The following MED19 variants were observed in gnomAD, a reference collection of about 807,000 sequenced individuals.
MED19 encodes mediator of RNA polymerase II transcription subunit 19.
A neutral mutation model predicts 19.9 loss-of-function variants in MED19; 4 were observed. The ratio of observed to expected loss-of-function variants is 0.20; its 90% confidence interval spans 0.10 to 0.46. The LOEUF (loss-of-function observed/expected upper bound fraction) is 0.46, where lower values mean the gene tolerates loss of function less well. Among genes scored for constraint, MED19 ranks in the 20% least tolerant of loss-of-function variants. MED19 has a pLI of 0.99. For synonymous variants in MED19, 139 were observed against 119.6 expected (o/e 1.16, Z -1.06); for missense variants, 303 against 318.7 (o/e 0.95, Z 0.38).
chr11:57,709,199 G>C (rs375987604), intron 1 of MED19, among the ~76,000 whole-genome samples: 1 of 152,126 alleles, frequency 6.6e-6, no homozygotes, highest in African/African-American at 2.4e-5. Flanking sequence ...CTGACCAACA[G>C]GGAGAAACCC....
At chr11:57,711,590 G>A (rs1946609513) in intron 1 of MED19, among the ~76,000 whole-genome samples, 1 of 152,012 alleles carries the variant, frequency 6.6e-6, no homozygotes, top group Non-Finnish European at 1.5e-5. Context: ...CTGACCTTAG[G>A]TGATTCGCCC....
chr11:57,704,247 CA>C, intron 4 of MED19, 54 bp downstream of exon 4: 1 of 1,528,660 alleles, frequency 6.5e-7, no homozygotes, highest in Non-Finnish European at 8.7e-7. Flanking sequence ...GTATTTAGGA[CA>C]GGGGTGAGAT....
exon 1 of MED19, chr11:57,712,198 G>A: frequency 2.0e-6 from 3 of 1,505,920 alleles, no homozygotes; most frequent in Admixed American, 2.3e-5. Context: ...CCGCCCCGGC[G>A]CTGTCTCCGT....
At chr11:57,704,758 T>C in exon 3 of MED19, 1 of 1,612,414 alleles carries the variant, frequency 6.2e-7, no homozygotes, top group Non-Finnish European at 8.5e-7. Context: ...TGTTTGTGCT[T>C]GTGCTTATTC....
At chr11:57,704,149 C>T in intron 4 of MED19, 43 bp from the exon 5 acceptor site, 4 of 1,535,690 alleles carry the variant, frequency 2.6e-6, no homozygotes, top group Non-Finnish European at 3.5e-6. Flanking sequence ...AGGAACTAGC[C>T]TTGGCTTTGA....
intron 1 of MED19, among the ~76,000 whole-genome samples, chr11:57,708,709 T>C (rs1292635450): frequency 6.6e-6 from 1 of 152,182 alleles, no homozygotes; most frequent in Non-Finnish European, 1.5e-5. Flanking sequence ...TGAAAAGCAA[T>C]GACCAGCATT....
chr11:57,711,584 C>T (rs1946608765), intron 1 of MED19, among the ~76,000 whole-genome samples: 1 of 151,944 alleles, frequency 6.6e-6, no homozygotes, highest in African/African-American at 2.4e-5. Context: ...GAACTCCTGA[C>T]CTTAGGTGAT....
chr11:57,708,579 T>C (rs1419001592), intron 1 of MED19, among the ~76,000 whole-genome samples: 3 of 152,206 alleles, frequency 2.0e-5, no homozygotes, highest in African/African-American at 7.2e-5. Context: ...GTTCTTAATA[T>C]TGATGGCTAA....
At chr11:57,711,539 A>T (rs1224369745) in intron 1 of MED19, among the ~76,000 whole-genome samples, 1 of 151,984 alleles carries the variant, frequency 6.6e-6, no homozygotes, top group African/African-American at 2.4e-5. Flanking sequence ...TTTTTTGTGG[A>T]GACAGGGTTT....
chr11:57,709,323 G>A (rs1245128916), intron 1 of MED19, among the ~76,000 whole-genome samples: 1 of 151,904 alleles, frequency 6.6e-6, no homozygotes, highest in Non-Finnish European at 1.5e-5. Flanking sequence ...GGAGGTTGTG[G>A]TGAGCTGAGA....
chr11:57,710,853 G>C (rs941120905), intron 1 of MED19, among the ~76,000 whole-genome samples: 2 of 152,024 alleles, frequency 1.3e-5, no homozygotes, highest in African/African-American at 4.8e-5. Flanking sequence ...GCATTACCAC[G>C]CCCGGTTAAT....
intron 1 of MED19, among the ~76,000 whole-genome samples, chr11:57,711,699 CCTGG>C (rs2135423889): frequency 6.6e-6 from 1 of 152,274 alleles, no homozygotes; most frequent in South Asian, 2.1e-4. Flanking sequence ...AGGGACACAG[CCTGG>C]ACATGGTGCA....
intron 1 of MED19, among the ~76,000 whole-genome samples, chr11:57,706,031 C>T (rs1946504642): frequency 6.6e-6 from 1 of 151,876 alleles, no homozygotes; most frequent in Non-Finnish European, 1.5e-5. Flanking sequence ...ACACTAATCA[C>T]CTTTACATAA....
intron 1 of MED19, among the ~76,000 whole-genome samples, chr11:57,706,207 G>T (rs1417763526): frequency 1.3e-5 from 2 of 152,030 alleles, no homozygotes; most frequent in Non-Finnish European, 2.9e-5. Flanking sequence ...GTGCAGTGGG[G>T]TACGATCTTG....
chr11:57,704,721 G>C (rs1946487687), exon 3 of MED19: 1 of 1,582,014 alleles, frequency 6.3e-7, no homozygotes, highest in Non-Finnish European at 8.6e-7. Flanking sequence ...CTTCTTACCT[G>C]GGGGGACAGG....
At chr11:57,709,897 T>C (rs1323018701) in intron 1 of MED19, among the ~76,000 whole-genome samples, 1 of 152,188 alleles carries the variant, frequency 6.6e-6, no homozygotes, top group Non-Finnish European at 1.5e-5. Context: ...GCTCTACCTC[T>C]AACATCCTGT....
chr11:57,705,061 G>T (rs980555763), exon 2 of MED19: 1 of 1,614,196 alleles, frequency 6.2e-7, no homozygotes, highest in African/African-American at 1.3e-5. Context: ...CTCAATGAGA[G>T]AGCGGAGGCT....
intron 1 of MED19, among the ~76,000 whole-genome samples, chr11:57,707,494 G>A (rs932028310): frequency 6.6e-6 from 1 of 152,214 alleles, no homozygotes; most frequent in South Asian, 2.1e-4. Context: ...GCCCAGCACA[G>A]TACACACATT....
At position 57,704,545 on chromosome 11, in the gene MED19, GT is replaced by G. The variant is rs1946484171; in HGVS notation, c.572-150del. 6 of 1,585,016 alleles carry G rather than the reference GT, an allele frequency of 3.8e-6. No individual in the cohort carries two copies. In the East Asian group the frequency reaches 1.3e-4, roughly 35 times the overall value. ...ATACAGAGGTGCTGCTAGAGTCCCTGTCCCAAGTCCCAAGAGACCACAGTAC... is the reference window on the plus strand; with the variant it reads ...ATACAGAGGTGCTGCTAGAGTCCCTGCCCAAGTCCCAAGAGACCACAGTAC... On this transcript the variant is annotated intron_variant, in intron 3 of 4. Transcript: ENST00000431606.
Sources: gnomAD v4.1 joint callset for allele counts (sites outside exome capture counted in the v4.1 genomes callset) on GRCh38, gnomAD v4.1.1 for gene constraint, MANE v1.5 for transcripts, NCBI Gene and HGNC (gene_info 2026-07-23, HGNC 2026-07-21) for gene names.